GPHN: variants seen among roughly 807,000 people sequenced by gnomAD.
GPHN encodes gephyrin.
In GPHN, 17 loss-of-function variants were observed where a neutral mutation model predicts 95.5. The observed-to-expected ratio is 0.18, with a 90% CI of 0.12 to 0.27. GPHN has a LOEUF of 0.27. Ranked by LOEUF, GPHN falls within the 10% of genes least tolerant of loss-of-function variation. The pLI is 1.00. For synonymous variants in GPHN, 320 were observed against 322.5 expected (o/e 0.99, Z 0.08); for missense variants, 660 against 978.1 (o/e 0.67, Z 4.34).
At chr14:67,055,843 C>G (rs1382731917) in intron 10 of GPHN, among the ~76,000 whole-genome samples, 1 of 152,164 alleles carries the variant, frequency 6.6e-6, no homozygotes, top group Admixed American at 6.5e-5. Flanking sequence ...TTTCTTCCTT[C>G]TGGTGGGTTC....
intron 1 of GPHN, among the ~76,000 whole-genome samples, chr14:66,530,497 A>T (rs2058876799): frequency 6.6e-6 from 1 of 151,954 alleles, no homozygotes; most frequent in African/African-American, 2.4e-5. Flanking sequence ...TGGGGTATGA[A>T]AAAAAAACAA....
chr14:67,375,073 G>C, the GPHN span, among the ~76,000 whole-genome samples: 1 of 152,138 alleles, frequency 6.6e-6, no homozygotes. Context: ...TAGCGTGTTA[G>C]GATTATTTCT....
the GPHN span, chr14:67,725,983 G>T: frequency 9.8e-7 from 1 of 1,022,488 alleles, no homozygotes; most frequent in Non-Finnish European, 1.6e-6. Context: ...GGGCAATTAT[G>T]CAGGTCTGTT....
At chr14:67,169,905 T>G (rs1778295337) in intron 21 of GPHN, among the ~76,000 whole-genome samples, 1 of 152,090 alleles carries the variant, frequency 6.6e-6, no homozygotes. Flanking sequence ...GGTGAAACCC[T>G]GTCTCTACTA....
intron 1 of GPHN, among the ~76,000 whole-genome samples, chr14:66,640,073 T>A (rs2064312259): frequency 1.3e-5 from 2 of 152,138 alleles, no homozygotes; most frequent in South Asian, 4.1e-4. Context: ...TGGATCATAT[T>A]CTTTTGTTCA....
chr14:66,629,216 C>A (rs1223008976), intron 1 of GPHN, among the ~76,000 whole-genome samples: 1 of 136,634 alleles, frequency 7.3e-6, no homozygotes, highest in Non-Finnish European at 1.5e-5. Context: ...TATTTATATA[C>A]ATATATAAAT....
chr14:67,576,960 G>C, the GPHN span, among the ~76,000 whole-genome samples: 1 of 152,108 alleles, frequency 6.6e-6, no homozygotes, highest in African/African-American at 2.4e-5. The surrounding 1 kb of genome is among the most constrained non-coding windows in gnomAD (Gnocchi z 4.0). Context: ...CTACTGCTCT[G>C]AGGCTTGTTT....
chr14:67,571,772 C>T, the GPHN span: 2 of 1,614,002 alleles, frequency 1.2e-6, no homozygotes, highest in African/African-American at 2.7e-5. Flanking sequence ...AGATCAGCAA[C>T]ATGCCCTTTA....
chr14:67,021,183 TTTTC>T (rs1256418741), intron 9 of GPHN, among the ~76,000 whole-genome samples: 2 of 152,136 alleles, frequency 1.3e-5, no homozygotes, highest in African/African-American at 4.8e-5. Context: ...TAAATTTTTC[TTTTC>T]TTCAGTGGTG....
chr14:67,000,881 TTCTG>T (rs770510746), intron 9 of GPHN, among the ~76,000 whole-genome samples: 8 of 151,652 alleles, frequency 5.3e-5, no homozygotes, highest in Non-Finnish European at 7.4e-5. Flanking sequence ...TTGAGAAGAA[TTCTG>T]TCTACTTGGG....
the GPHN span, among the ~76,000 whole-genome samples, chr14:67,403,572 G>A: frequency 6.6e-6 from 1 of 152,212 alleles, no homozygotes; most frequent in Non-Finnish European, 1.5e-5. Flanking sequence ...AGTCACTAAA[G>A]TGGAATGTGT....
the GPHN span, among the ~76,000 whole-genome samples, chr14:67,709,981 G>A: frequency 6.6e-6 from 1 of 152,176 alleles, no homozygotes; most frequent in African/African-American, 2.4e-5. Context: ...CTTTGGAAAG[G>A]CTAATCAGAA....
At chr14:67,524,958 G>A in the GPHN span, among the ~76,000 whole-genome samples, 1 of 152,198 alleles carries the variant, frequency 6.6e-6, no homozygotes, top group Non-Finnish European at 1.5e-5. Flanking sequence ...GGTTATGGGT[G>A]CACACTCTGG....
At chr14:67,193,454 T>C in the GPHN span, among the ~76,000 whole-genome samples, 3 of 143,294 alleles carry the variant, frequency 2.1e-5, no homozygotes, top group Admixed American at 7.0e-5. Context: ...CAGATCTCTA[T>C]ATATCTAGAT....
chr14:66,588,912 A>T (rs2061529579), intron 1 of GPHN, among the ~76,000 whole-genome samples: 1 of 152,094 alleles, frequency 6.6e-6, no homozygotes, highest in Non-Finnish European at 1.5e-5. Flanking sequence ...GAGAAGAGCA[A>T]CCCCAAGACA....
At chr14:66,822,141 G>A (rs1042223492) in intron 3 of GPHN, among the ~76,000 whole-genome samples, 5 of 152,028 alleles carry the variant, frequency 3.3e-5, no homozygotes, top group Non-Finnish European at 4.4e-5. Context: ...TAGTAGAGAC[G>A]GCGTTTCACC....
intron 5 of GPHN, among the ~76,000 whole-genome samples, chr14:66,914,162 G>T (rs1567094899): frequency 6.6e-6 from 1 of 152,054 alleles, no homozygotes; most frequent in Non-Finnish European, 1.5e-5. Flanking sequence ...TAGTGGTCTG[G>T]ATGTAACTGT....
the GPHN span, among the ~76,000 whole-genome samples, chr14:67,604,074 C>G: frequency 6.6e-6 from 1 of 151,790 alleles, no homozygotes; most frequent in Admixed American, 6.6e-5. Flanking sequence ...CTCACTGCAA[C>G]TTCCACCTCC....
intron 16 of GPHN, among the ~76,000 whole-genome samples, chr14:67,115,107 C>T (rs555610760): frequency 6.6e-6 from 1 of 152,114 alleles, no homozygotes; most frequent in South Asian, 2.1e-4. Flanking sequence ...ATCTCTGGTT[C>T]CATATAGCTC....
Sources: allele counts gnomAD v4.1 joint callset (sites outside exome capture counted in the v4.1 genomes callset), GRCh38; gene constraint gnomAD v4.1.1; non-coding constraint Gnocchi (gnomAD v3.1); transcripts MANE v1.5; gene names NCBI Gene and HGNC (gene_info 2026-07-23, HGNC 2026-07-21).